The following SLX9 variants were observed in gnomAD, a reference collection of about 807,000 sequenced individuals.
SLX9 encodes the protein SLX9 ribosome biogenesis factor, also known as ribosome biogenesis protein SLX9 homolog.
Under a neutral mutation model 20.8 loss-of-function variants are expected in SLX9, and 19 were observed. That is an observed-to-expected ratio of 0.91 (90% CI 0.64 to 1.34). SLX9 has a LOEUF of 1.34. Ranked by LOEUF, SLX9 falls within the 40% of genes most tolerant of loss-of-function variation. The pLI is 0.00. For synonymous variants in SLX9, 113 were observed against 137.1 expected (o/e 0.82, Z 1.23); for missense variants, 299 against 322.2 (o/e 0.93, Z 0.55).
chr21:44,965,489 T>G (rs985957751), intron 3 of SLX9, among the ~76,000 whole-genome samples: 14 of 152,238 alleles, frequency 9.2e-5, no homozygotes, highest in African/African-American at 3.4e-4. Flanking sequence ...ACTGTGGGTT[T>G]CTAGCAGCTC....
intron 2 of SLX9, among the ~76,000 whole-genome samples, chr21:44,947,533 G>GTTCCTATCCTGTGACTGACAAGTTCA (rs2084665697): frequency 6.8e-6 from 1 of 147,078 alleles, no homozygotes; most frequent in Non-Finnish European, 1.5e-5. Flanking sequence ...TGACAAGTTC[G>GTTCCTATCCTGTGACTGACAAGTTCA]TGGCATCGTT....
At chr21:44,975,833 A>C (rs2123473663) in intron 5 of SLX9, among the ~76,000 whole-genome samples, 1 of 152,308 alleles carries the variant, frequency 6.6e-6, no homozygotes, top group Admixed American at 6.5e-5. Context: ...CCCCAGCCCC[A>C]CTGTCCTCTG....
intron 2 of SLX9, among the ~76,000 whole-genome samples, chr21:44,951,683 G>A (rs1283304087): frequency 6.6e-6 from 1 of 152,154 alleles, no homozygotes; most frequent in African/African-American, 2.4e-5. Context: ...GCCCGAGCGC[G>A]CTGTGTGGGC....
At chr21:44,960,656 C>T (rs980394694) in intron 3 of SLX9, among the ~76,000 whole-genome samples, 2 of 152,230 alleles carry the variant, frequency 1.3e-5, no homozygotes, top group African/African-American at 4.8e-5. Context: ...CGCATAGCGG[C>T]GTGGGTGTGG....
At position 44,940,434 on chromosome 21, in the gene SLX9, C is replaced by T. The variant is rs542069330; in HGVS notation, c.129+248C>T. 3.9e-5 allele frequency among the ~76,000 whole-genome samples: 6 copies of T among 152,372 alleles called. No individual in the cohort carries two copies. In the South Asian group the frequency reaches 1.2e-3, roughly 32 times the overall value. Reference sequence around the variant, plus strand: ...GGAGGGGAGAGAGCCAGGAACCTCCCGCTGCGGTCCAGGGTTGCCACGCGG... The same window carrying T: ...GGAGGGGAGAGAGCCAGGAACCTCCTGCTGCGGTCCAGGGTTGCCACGCGG... On this transcript the variant is annotated intron_variant, in intron 1 of 5. Transcript: ENST00000291634.
In SLX9 at chr21:44,959,799, G is replaced by A. The variant is rs536244752; in HGVS notation, c.284-301G>A. On this transcript the variant is annotated intron_variant, in intron 2 of 5. Coordinates refer to ENST00000291634, the MANE Select transcript of SLX9 (RefSeq NM_058190.4). ...GCAATGACTGCCCTGACAGTCATTC[G>A]GGGCATGAGTGGGGAGGAGGCCTCC... 3.9e-5 allele frequency among the ~76,000 whole-genome samples: 6 copies of A among 152,332 alleles called. No individual in the cohort carries two copies. The South Asian group carries it at 1.0e-3, about 26-fold the overall frequency.
At chr21:44,950,887 G>A (rs952894844) in intron 2 of SLX9, among the ~76,000 whole-genome samples, 1 of 152,162 alleles carries the variant, frequency 6.6e-6, no homozygotes. Flanking sequence ...AACTGCTGTG[G>A]GTTTATCCTC....
intron 2 of SLX9, among the ~76,000 whole-genome samples, chr21:44,953,889 G>A (rs2146634531): frequency 6.6e-6 from 1 of 152,318 alleles, no homozygotes; most frequent in South Asian, 2.1e-4. Flanking sequence ...GAAGCCCTCA[G>A]TCCCAGTAGC....
Position 44,940,143 on chromosome 21 carries a change from C to CT in SLX9, c.87dup (p.Ala30CysfsTer52). 2 of 1,332,264 alleles carry CT rather than the reference C, an allele frequency of 1.5e-6. No individual in the cohort carries two copies. Among genetic ancestry groups the CT allele is most frequent in the South Asian group, 4.2e-5 (2 of 47,778 alleles). 82.5% of individuals were successfully genotyped at this position (1,332,264 alleles called of 1,614,324 possible). A position where few individuals can be genotyped will look rare whatever the true frequency, so the allele number is the denominator to read the frequency against. ...GAGGCCGCCCCCGGCCCCGCGCCCC[C>CT]TGCCCCGGAGGCGACCCCTCCGCCG... On this transcript the variant is annotated frameshift_variant, in exon 1 of 6. Coordinates refer to ENST00000291634, the MANE Select transcript of SLX9 (RefSeq NM_058190.4). LOFTEE classifies it high-confidence loss of function.
intron 2 of SLX9, among the ~76,000 whole-genome samples, chr21:44,957,935 G>A (rs1277862588): frequency 6.6e-6 from 1 of 152,264 alleles, no homozygotes; most frequent in African/African-American, 2.4e-5. Context: ...GAAGCAGACA[G>A]GGCACAGAGG....
At chr21:44,963,005 G>A (rs1219331110) in intron 3 of SLX9, among the ~76,000 whole-genome samples, 1 of 151,530 alleles carries the variant, frequency 6.6e-6, no homozygotes, top group Non-Finnish European at 1.5e-5. Context: ...AGCTCTAAGA[G>A]TTCTTTGTCC....
intron 1 of SLX9, among the ~76,000 whole-genome samples, chr21:44,941,079 C>T (rs1047455829): frequency 6.6e-6 from 1 of 151,928 alleles, no homozygotes; most frequent in Non-Finnish European, 1.5e-5. Context: ...TTCTCTTCTC[C>T]TGTTCCTCCT....
intron 4 of SLX9, among the ~76,000 whole-genome samples, chr21:44,972,247 T>C (rs934808839): frequency 1.9e-4 from 29 of 152,086 alleles, no homozygotes; most frequent in Non-Finnish European, 3.8e-4. Flanking sequence ...CTCTGTTCCT[T>C]TTAAGGCCCA....
chr21:44,959,307 C>T (rs1447958667), intron 2 of SLX9: 6 of 969,574 alleles, frequency 6.2e-6, no homozygotes, highest in Non-Finnish European at 6.1e-6. Flanking sequence ...AGAATGCAGC[C>T]GAGGCTGAAC....
chr21:44,945,941 G>A (rs2084634372), intron 2 of SLX9, among the ~76,000 whole-genome samples: 4 of 152,160 alleles, frequency 2.6e-5, no homozygotes, highest in South Asian at 4.1e-4. Flanking sequence ...CACCCCGTTG[G>A]CCGGGATGGT....
intron 2 of SLX9, 87 bp downstream of exon 2, chr21:44,943,924 A>G (rs2146607080): frequency 6.4e-7 from 1 of 1,561,562 alleles, no homozygotes; most frequent in Non-Finnish European, 8.7e-7. Context: ...GCAGCTTTCC[A>G]GCTAACCTGT....
chr21:44,969,194 G>A (rs1411025785), intron 4 of SLX9: 2 of 470,162 alleles, frequency 4.3e-6, no homozygotes, highest in East Asian at 6.9e-5. Context: ...CAGGTCACGC[G>A]CTGCAGGCCC....
chr21:44,944,822 C>T (rs536253730), intron 2 of SLX9, among the ~76,000 whole-genome samples: 89 of 152,348 alleles, frequency 5.8e-4, no homozygotes, highest in African/African-American at 2.1e-3. Flanking sequence ...TGCCCCTCAC[C>T]GCCTGGTAGC....
chr21:44,967,296 G>A (rs2085055971), intron 4 of SLX9, 115 bp downstream of exon 4: 10 of 1,377,840 alleles, frequency 7.3e-6, no homozygotes, highest in Middle Eastern at 2.4e-4. Context: ...TGCAGAGGCC[G>A]AGAGCTGGGG....
Sources: gnomAD v4.1 joint callset for allele counts (sites outside exome capture counted in the v4.1 genomes callset) on GRCh38, gnomAD v4.1.1 for gene constraint, MANE v1.5 for transcripts, NCBI Gene and HGNC (gene_info 2026-07-23, HGNC 2026-07-21) for gene names.